The following KAZN variants were observed in gnomAD, a reference collection of about 807,000 sequenced individuals.
KAZN encodes kazrin.
Under a neutral mutation model 87.4 loss-of-function variants are expected in KAZN, and 40 were observed. That is an observed-to-expected ratio of 0.46 (90% CI 0.36 to 0.60). KAZN has a LOEUF of 0.60. KAZN is among the 20% of genes least tolerant of loss of function. The pLI is 0.00. For missense variants in KAZN, 898 were observed against 1,073.9 expected (o/e 0.84, Z 2.29); for synonymous variants, 466 against 458.3 (o/e 1.02, Z -0.22).
At chr1:14,507,336 CT>C (rs1319747963) in intron 2 of KAZN, among the ~76,000 whole-genome samples, 3 of 152,172 alleles carry the variant, frequency 2.0e-5, no homozygotes, top group Non-Finnish European at 4.4e-5. Context: ...GCTTTGTTCC[CT>C]ATCACAATCG....
In KAZN at chr1:14,502,666, C is replaced by T. The variant is rs375964647; in HGVS notation, c.250-96317C>T. Among the ~76,000 whole-genome samples, 7 of 152,180 alleles carry T rather than the reference C, an allele frequency of 4.6e-5. No homozygotes were observed. In the East Asian group the frequency reaches 7.7e-4, roughly 17 times the overall value. On this transcript the variant is annotated intron_variant, in intron 2 of 16. Transcript: ENST00000636203. ...TAGTTGAGGACTGAACTAAACTAAA[C>T]CTCCAACGTCTGCTGGGCTCCTGGT...
chr1:14,272,629 TG>T (rs1437267971), intron 2 of KAZN, among the ~76,000 whole-genome samples: 1 of 151,934 alleles, frequency 6.6e-6, no homozygotes, highest in African/African-American at 2.4e-5. Flanking sequence ...GAGGCCGAGG[TG>T]GGCGGATCAT....
At chr1:15,101,458 C>T in intron 10 of KAZN, 85 bp from the exon 11 acceptor site, 1 of 878,842 alleles carries the variant, frequency 1.1e-6, no homozygotes, top group South Asian at 1.6e-5. Flanking sequence ...TTTCCTCTCT[C>T]TGCATCTCCA....
At chr1:14,602,843 G>A (rs1677083980) in intron 1 of KAZN, among the ~76,000 whole-genome samples, 1 of 152,196 alleles carries the variant, frequency 6.6e-6, no homozygotes, top group Admixed American at 6.5e-5. Flanking sequence ...AGAAATAATT[G>A]TATTTGTATT....
At chr1:14,402,398 G>C (rs1052209298) in intron 2 of KAZN, among the ~76,000 whole-genome samples, 20 of 152,030 alleles carry the variant, frequency 1.3e-4, no homozygotes, top group Admixed American at 1.3e-3. Flanking sequence ...GAAAGTTTAT[G>C]ATCTAAGCTA....
chr1:14,394,904 C>T (rs1172057399), intron 2 of KAZN, among the ~76,000 whole-genome samples: 1 of 152,200 alleles, frequency 6.6e-6, no homozygotes, highest in Non-Finnish European at 1.5e-5. Context: ...GGGATATGAC[C>T]TAGCTTTGCA....
rs200089786 is a variant in KAZN at position 14,450,589 on chromosome 1, C to CA, written c.250-148387dup. On this transcript the variant is annotated intron_variant, in intron 2 of 16. Coordinates refer to the KAZN transcript ENST00000636203. ...TGGGACACAGAACAAGACTCCACCT[C>CA]AAAAAAACAAACAAAAAACAACAAC... is the stretch of plus-strand genomic sequence containing the variant. 1.4e-3 allele frequency among the ~76,000 whole-genome samples: 210 copies of CA among 151,788 alleles called. 3 individuals carry two copies. The East Asian group carries it at 0.032, about 23-fold the overall frequency.
intron 2 of KAZN, among the ~76,000 whole-genome samples, chr1:14,256,737 A>C (rs1313179472): frequency 1.3e-5 from 2 of 152,188 alleles, no homozygotes; most frequent in African/African-American, 4.8e-5. Flanking sequence ...CACCCTAAAG[A>C]ATTGTCAGCA....
chr1:14,428,083 T>G (rs1665841441), intron 2 of KAZN, among the ~76,000 whole-genome samples: 1 of 152,192 alleles, frequency 6.6e-6, no homozygotes, highest in Non-Finnish European at 1.5e-5. Context: ...ACATTCTGAT[T>G]TATGTCAGGT....
At chr1:14,098,516 G>T (rs1644179209) in intron 1 of KAZN, among the ~76,000 whole-genome samples, 1 of 152,116 alleles carries the variant, frequency 6.6e-6, no homozygotes, top group Middle Eastern at 3.2e-3. Context: ...CATGAAAAGG[G>T]GTTGCTGTGG....
intron 2 of KAZN, among the ~76,000 whole-genome samples, chr1:14,464,161 G>C (rs1667993857): frequency 6.6e-6 from 1 of 152,196 alleles, no homozygotes; most frequent in Admixed American, 6.5e-5. Context: ...TCCCTCCCTG[G>C]ACTACTGTTT....
chr1:15,047,816 C>T (rs752820912), intron 4 of KAZN, among the ~76,000 whole-genome samples: 4 of 152,050 alleles, frequency 2.6e-5, no homozygotes, highest in Admixed American at 1.3e-4. Flanking sequence ...GAGCCAGGCC[C>T]GGGGGGATGG....
chr1:14,215,440 C>T (rs1037745787), intron 2 of KAZN, among the ~76,000 whole-genome samples: 1 of 152,162 alleles, frequency 6.6e-6, no homozygotes, highest in Admixed American at 6.5e-5. Flanking sequence ...TTAGTCCCAC[C>T]AGTGCTTACA....
intron 13 of KAZN, chr1:15,112,123 C>G (rs1276743917): frequency 3.0e-5 from 13 of 430,970 alleles, no homozygotes; most frequent in Non-Finnish European, 4.7e-5. Flanking sequence ...TGTCAGAAGC[C>G]TGAGTTCAGA....
intron 1 of KAZN, among the ~76,000 whole-genome samples, chr1:14,760,779 C>T (rs1644718359): frequency 6.6e-6 from 1 of 152,186 alleles, no homozygotes; most frequent in South Asian, 2.1e-4. Context: ...CATAGCAAGA[C>T]CTCGTCTCTA....
intron 1 of KAZN, among the ~76,000 whole-genome samples, chr1:14,138,003 G>T (rs1336584085): frequency 2.0e-5 from 3 of 152,090 alleles, no homozygotes; most frequent in Non-Finnish European, 2.9e-5. Flanking sequence ...TGTATGAAAT[G>T]GGGATAATAG....
At chr1:14,120,742 C>G (rs1644735194) in intron 1 of KAZN, among the ~76,000 whole-genome samples, 2 of 152,198 alleles carry the variant, frequency 1.3e-5, no homozygotes, top group African/African-American at 4.8e-5. Context: ...TTCTGGTACC[C>G]ATGCATCCTT....
intron 2 of KAZN, among the ~76,000 whole-genome samples, chr1:14,242,357 TG>T (rs1649038853): frequency 6.6e-6 from 1 of 152,172 alleles, no homozygotes; most frequent in Non-Finnish European, 1.5e-5. Context: ...GAGGTTTCCT[TG>T]GGGGGAAGCC....
At chr1:15,010,675 C>A (rs937392188) in intron 2 of KAZN, among the ~76,000 whole-genome samples, 2 of 152,182 alleles carry the variant, frequency 1.3e-5, no homozygotes, top group Non-Finnish European at 2.9e-5. Context: ...CAGGCGTGAG[C>A]CACCACTCCC....
Sources: allele counts gnomAD v4.1 joint callset (sites outside exome capture counted in the v4.1 genomes callset), GRCh38; gene constraint gnomAD v4.1.1; transcripts MANE v1.5; gene names NCBI Gene and HGNC (gene_info 2026-07-23, HGNC 2026-07-21).